Variants in DBNDD1 observed in about 807,000 individuals in gnomAD.
The protein encoded by DBNDD1 is dysbindin domain-containing protein 1.
A neutral mutation model predicts 17.0 loss-of-function variants in DBNDD1; 14 were observed. That is an observed-to-expected ratio of 0.82 (90% CI 0.54 to 1.29). DBNDD1 has a LOEUF of 1.29. DBNDD1 is among the 50% of genes most tolerant of loss of function. The probability of loss-of-function intolerance (pLI) is 0.00; values close to 1 mark genes in which losing one functional copy is unlikely to be tolerated. For synonymous variants in DBNDD1, 105 were observed against 102.0 expected (o/e 1.03, Z -0.18); for missense variants, 221 against 216.2 (o/e 1.02, Z -0.14).
chr16:90,012,278 C>G (rs1373667687), intron 1 of DBNDD1, among the ~76,000 whole-genome samples: 1 of 152,200 alleles, frequency 6.6e-6, no homozygotes, highest in Non-Finnish European at 1.5e-5. Context: ...CCAGGAGGCC[C>G]TGCTCTCAGG....
intron 1 of DBNDD1, chr16:90,010,228 T>G: frequency 1.8e-6 from 1 of 549,756 alleles, no homozygotes; most frequent in South Asian, 2.2e-5. Flanking sequence ...GTATTTTTAG[T>G]AGAGACGGGG....
rs551879620 is a variant in DBNDD1, at chr16:90,008,798, G to A, written c.305C>T (p.Thr102Ile). 2 of 1,601,230 alleles carry A rather than the reference G, an allele frequency of 1.2e-6. No individual in the cohort carries two copies. Among genetic ancestry groups the A allele is most frequent in the Non-Finnish European group, 8.5e-7 (1 of 1,171,610 alleles). Reference protein sequence around the residue: ...FADSDDENLNTESPAGLHPLP... With the variant: ...FADSDDENLNIESPAGLHPLP... ...GCCGGCCTCACCTGCTGGGGACTCGGTGTTGAGGTTCTCGTCGTCCGAGTC... is the reference window on the plus strand; with the variant it reads ...GCCGGCCTCACCTGCTGGGGACTCGATGTTGAGGTTCTCGTCGTCCGAGTC... The change falls in exon 3 of 4, where the codon ACC becomes ATC. Residue 102 changes from threonine to isoleucine, a missense_variant. By Grantham distance (89) the Thr-to-Ile change is moderately conservative. Coordinates refer to ENST00000002501, the MANE Select transcript of DBNDD1 (RefSeq NM_001042610.3).
At chr16:90,010,208 G>T in intron 1 of DBNDD1, 1 of 596,792 alleles carries the variant, frequency 1.7e-6, no homozygotes, top group South Asian at 2.1e-5. Flanking sequence ...AGCACGCCCG[G>T]CTAATTTTTG....
chr16:90,005,614 T>C lies in DBNDD1; in HGVS notation c.*721A>G, dbSNP rs1464180161. The C allele has an allele frequency of 2.6e-5, 4 of 152,316 alleles. No individual in the cohort carries two copies. Among genetic ancestry groups the C allele is most frequent in the African/African-American group, 9.7e-5 (4 of 41,440 alleles). 9.4% of individuals were successfully genotyped at this position (152,316 alleles called of 1,614,324 possible). ...ATTCCGGGAGGTGTCATCAAGTCTC[T>C]TAGGCAGTCTGGTGATATTTGGTGT... is the stretch of plus-strand genomic sequence containing the variant. On this transcript the variant is annotated 3_prime_UTR_variant, in exon 4 of 4. Transcript: ENST00000002501.
intron 1 of DBNDD1, among the ~76,000 whole-genome samples, chr16:90,010,922 G>A (rs2035542913): frequency 1.3e-5 from 2 of 150,942 alleles, no homozygotes; most frequent in African/African-American, 5.0e-5. Context: ...AAGAGACAAA[G>A]CGCTGGCTTC....
In DBNDD1 at chr16:90,011,961, G is replaced by A. The variant is rs1251265181; in HGVS notation, c.32-2531C>T. 5.3e-5 allele frequency among the ~76,000 whole-genome samples: 8 copies of A among 152,350 alleles called. No homozygotes were observed. The East Asian group carries it at 1.5e-3, about 29-fold the overall frequency. On this transcript the variant is annotated intron_variant, in intron 1 of 3. Transcript: ENST00000002501. The stretch of plus-strand genomic sequence containing the variant: ...TGGCCCTTGGGCCCTTCCTCAAGGA[G>A]AGACAGTGTAGACCAAAGCCCCAGG...
intron 1 of DBNDD1, among the ~76,000 whole-genome samples, chr16:90,013,341 C>T (rs1288017969): frequency 6.7e-6 from 1 of 148,426 alleles, no homozygotes; most frequent in East Asian, 1.9e-4. Flanking sequence ...TTGACTAACT[C>T]CATTCTCACC....
chr16:90,016,220 C>T (rs773132298), intron 1 of DBNDD1, among the ~76,000 whole-genome samples: 8 of 152,276 alleles, frequency 5.3e-5, no homozygotes, highest in Non-Finnish European at 1.2e-4. Context: ...TTCCTGGGAC[C>T]TAGCGCACAG....
chr16:90,005,867 T>C lies in DBNDD1; in HGVS notation c.*468A>G, dbSNP rs1364402507. On this transcript the variant is annotated 3_prime_UTR_variant, in exon 4 of 4. Transcript: ENST00000002501. ...AGCCACTACCAAACCCGCCTCTGGC[T>C]TCTGAGCTTGGCAGCACAGGAAAAC... is the stretch of plus-strand genomic sequence containing the variant. 1 of 162,598 alleles carries C rather than the reference T, an allele frequency of 6.2e-6. No individual in the cohort carries two copies. The highest frequency in any genetic ancestry group is 1.4e-5 in the Non-Finnish European group (1 of 73,316). The allele number at this position is 162,598 out of a possible 1,614,324, so 10.1% of individuals were successfully genotyped here.
intron 1 of DBNDD1, among the ~76,000 whole-genome samples, chr16:90,013,612 G>A (rs981588661): frequency 6.6e-5 from 10 of 152,148 alleles, no homozygotes; most frequent in Non-Finnish European, 4.4e-5. Context: ...GTCCTGACCT[G>A]GGGGGACGTG....
At chr16:90,014,983 C>T (rs974070240) in intron 1 of DBNDD1, among the ~76,000 whole-genome samples, 2 of 146,986 alleles carry the variant, frequency 1.4e-5, no homozygotes, top group East Asian at 2.0e-4. Flanking sequence ...CCAGCCTGGG[C>T]GACAGAACGA....
intron 1 of DBNDD1, chr16:90,010,076 C>T (rs149716164): frequency 0.036 from 57,129 of 1,609,106 alleles, 1,542 homozygotes; most frequent in South Asian, 0.11. Flanking sequence ...GATGGAGTCT[C>T]GCTCTGTCAC....
At chr16:90,013,904 A>AG (rs1347179396) in intron 1 of DBNDD1, among the ~76,000 whole-genome samples, 3 of 24,850 alleles carry the variant, frequency 1.2e-4, no homozygotes, top group Non-Finnish European at 2.3e-4. Flanking sequence ...TGGAGGTGGG[A>AG]GGGAGCCGTG....
intron 1 of DBNDD1, chr16:90,010,075 T>C (rs771092616): frequency 1.2e-6 from 2 of 1,610,308 alleles, no homozygotes; most frequent in South Asian, 2.2e-5. Context: ...AGATGGAGTC[T>C]CGCTCTGTCA....
At chr16:90,011,653 G>C (rs568105870) in intron 1 of DBNDD1, 15 of 455,224 alleles carry the variant, frequency 3.3e-5, no homozygotes, top group South Asian at 2.2e-4. Context: ...GGGCGGGCTG[G>C]ACGGGGCTCT....
intron 1 of DBNDD1, among the ~76,000 whole-genome samples, chr16:90,017,766 T>C (rs2151266294): frequency 6.6e-6 from 1 of 152,322 alleles, no homozygotes; most frequent in South Asian, 2.1e-4. Flanking sequence ...CTGGCCACTT[T>C]GCAGACAAGG....
chr16:90,014,849 T>C (rs1290082873), intron 1 of DBNDD1, among the ~76,000 whole-genome samples: 1 of 151,894 alleles, frequency 6.6e-6, no homozygotes, highest in Admixed American at 6.6e-5. Context: ...CTACTAAAAA[T>C]ACAAAAATTA....
At chr16:90,006,973 G>A (rs1287243729) in intron 3 of DBNDD1, 1 of 157,330 alleles carries the variant, frequency 6.4e-6, no homozygotes, top group Non-Finnish European at 1.4e-5. Context: ...CCCATCATGG[G>A]CCTTGTGAGT....
At chr16:90,015,132 C>T (rs909877688) in intron 1 of DBNDD1, among the ~76,000 whole-genome samples, 1 of 152,124 alleles carries the variant, frequency 6.6e-6, no homozygotes, top group African/African-American at 2.4e-5. Context: ...GGTGTCTAGT[C>T]TGGTCCTTCC....
Sources: gnomAD v4.1 joint callset for allele counts (sites outside exome capture counted in the v4.1 genomes callset) on GRCh38, gnomAD v4.1.1 for gene constraint, MANE v1.5 for transcripts, NCBI Gene and HGNC (gene_info 2026-07-23, HGNC 2026-07-21) for gene names.